ZMIZ2: variants seen among roughly 807,000 people sequenced by gnomAD.
ZMIZ2 encodes the protein zinc finger MIZ domain-containing protein 2.
In ZMIZ2, 26 loss-of-function variants were observed where a neutral mutation model predicts 93.9. The ratio of observed to expected loss-of-function variants is 0.28; its 90% CI spans 0.20 to 0.38. The LOEUF is 0.38. ZMIZ2 is among the 10% of genes least tolerant of loss of function. ZMIZ2 has a pLI of 1.00. For synonymous variants in ZMIZ2, 485 were observed against 516.4 expected (o/e 0.94, Z 0.82); for missense variants, 1,023 against 1,235.0 (o/e 0.83, Z 2.57).
At chr7:44,767,233 G>A (rs1791805492) in intron 18 of ZMIZ2, among the ~76,000 whole-genome samples, 1 of 152,300 alleles carries the variant, frequency 6.6e-6, no homozygotes, top group Non-Finnish European at 1.5e-5. Context: ...AGTGTGGAGT[G>A]GCTGCACTCC....
chr7:44,761,344 A>G lies in ZMIZ2; in HGVS notation c.1241-105A>G, dbSNP rs1054448692. 3 of 1,516,448 alleles carry G rather than the reference A, an allele frequency of 2.0e-6. No homozygotes were observed. The highest frequency in any genetic ancestry group is 1.8e-6 in the Non-Finnish European group (2 of 1,137,736). The allele number at this position is 1,516,448 out of a possible 1,614,324, so 93.9% of individuals were successfully genotyped here. A position where few individuals can be genotyped will look rare whatever the true frequency, so the allele number is the denominator to read the frequency against. The stretch of plus-strand genomic sequence containing the variant: ...CTGACAGGAGGGGCTCCCTTCACCA[A>G]GGTCCCTGCGGGGAAGGTGGCTGGG... On this transcript the variant is annotated intron_variant, in intron 9 of 18. Transcript: ENST00000309315. The surrounding 1 kb of genome is among the most constrained non-coding windows in gnomAD (Gnocchi z 5.8).
chr7:44,756,548 C>T lies in ZMIZ2; in HGVS notation c.165+9C>T. On this transcript the variant is annotated intron_variant, in intron 3 of 18. Transcript: ENST00000309315. Reference sequence around the variant, plus strand: ...ACGCGACACAGAGCCAGGTAAGCACCCACTGGTGCCCCACCCCCGAGCAGA... The same window carrying T: ...ACGCGACACAGAGCCAGGTAAGCACTCACTGGTGCCCCACCCCCGAGCAGA... The T allele has an allele frequency of 6.2e-7, 1 of 1,613,686 alleles. No homozygotes were observed. Among genetic ancestry groups the T allele is most frequent in the Non-Finnish European group, 8.5e-7 (1 of 1,179,816 alleles).
At position 44,761,347 on chromosome 7, in the gene ZMIZ2, TC is replaced by T; in HGVS notation, c.1241-99del. 2 of 1,523,572 alleles carry T rather than the reference TC, an allele frequency of 1.3e-6. No homozygotes were observed. Among genetic ancestry groups the T allele is most frequent in the Non-Finnish European group, 1.8e-6 (2 of 1,141,202 alleles). 94.4% of individuals were successfully genotyped at this position (1,523,572 alleles called of 1,614,324 possible). A position where few individuals can be genotyped will look rare whatever the true frequency, so the allele number is the denominator to read the frequency against. On this transcript the variant is annotated intron_variant, in intron 9 of 18. Coordinates refer to ENST00000309315, the MANE Select transcript of ZMIZ2 (RefSeq NM_031449.4). This position sits in a 1 kb window ranked among gnomAD's most constrained non-coding sequence, Gnocchi z 5.8. ...ACAGGAGGGGCTCCCTTCACCAAGG[TC>T]CCTGCGGGGAAGGTGGCTGGGGAGC...
Position 44,758,101 on chromosome 7 carries a change from A to G in ZMIZ2, c.806A>G (p.Tyr269Cys). The change falls in exon 6 of 19, where the codon TAC becomes TGC. Residue 269 changes from tyrosine (Y) to cysteine (C), a missense_variant. Around this residue, in one of 3 missense-constraint regions of ZMIZ2, gnomAD observed 656 missense variants for 777.1 expected, o/e 0.84. Coordinates refer to ENST00000309315, the MANE Select transcript of ZMIZ2 (RefSeq NM_031449.4). Reference sequence around the variant, plus strand: ...CCCCGACAGGGGGTCAAGAGAACCTACTCTGAGGTGAGTGTCCAGGTCACC... The same window carrying G: ...CCCCGACAGGGGGTCAAGAGAACCTGCTCTGAGGTGAGTGTCCAGGTCACC... ...PLPRQGVKRT[Y>C]SEVYPGQQYL... is the part of the protein sequence containing the mutation. 1.3e-6 allele frequency: 2 copies of G among 1,557,438 alleles called. No homozygotes were observed. The highest frequency in any genetic ancestry group is 1.4e-5 in the African/African-American group (1 of 72,880).
chr7:44,756,364 C>A (rs1010888891), intron 2 of ZMIZ2, 61 bp from the exon 3 acceptor site: 32 of 1,613,786 alleles, frequency 2.0e-5, no homozygotes, highest in Non-Finnish European at 2.6e-5. Flanking sequence ...TCTGGAAGAT[C>A]CTAGACTCTT....
At chr7:44,767,148 G>T (rs779977691) in intron 18 of ZMIZ2, among the ~76,000 whole-genome samples, 2 of 152,126 alleles carry the variant, frequency 1.3e-5, no homozygotes, top group African/African-American at 2.4e-5. Context: ...AATCCTAGGG[G>T]CATGGAATTC....
chr7:44,755,801 C>A (rs1790538374), intron 1 of ZMIZ2, among the ~76,000 whole-genome samples: 1 of 152,198 alleles, frequency 6.6e-6, no homozygotes, highest in African/African-American at 2.4e-5. Flanking sequence ...TGGCTACTGG[C>A]TCCTCTCTAA....
chr7:44,757,664 C>T, intron 5 of ZMIZ2, 103 bp downstream of exon 5: 1 of 1,464,488 alleles, frequency 6.8e-7, no homozygotes, highest in East Asian at 2.4e-5. Flanking sequence ...TGGAATATGC[C>T]AGGGCTCATG....
intron 14 of ZMIZ2, among the ~76,000 whole-genome samples, 200 bp from the exon 15 acceptor site, chr7:44,764,739 TCA>T (rs1791530204): frequency 6.6e-6 from 1 of 152,192 alleles, no homozygotes; most frequent in Non-Finnish European, 1.5e-5. Flanking sequence ...TATTTTCACC[TCA>T]CACAAGGGTC....
At chr7:44,755,069 TGTG>T (rs1790475248) in intron 1 of ZMIZ2, among the ~76,000 whole-genome samples, 1 of 152,084 alleles carries the variant, frequency 6.6e-6, no homozygotes, top group South Asian at 2.1e-4. Context: ...AGCCTGAAGG[TGTG>T]GTCACTTCCG....
In ZMIZ2 at chr7:44,764,410, T is replaced by G. The variant is rs115305077; in HGVS notation, c.1861-9T>G. ...ATGAGAAACTGACTTTCTTCCCATC[T>G]CTCTACAGTGCTTTGACCTGGAGTC... is the stretch of plus-strand genomic sequence containing the variant. On this transcript the variant is annotated splice_polypyrimidine_tract_variant and intron_variant, in intron 13 of 18. Transcript: ENST00000309315. 375 of 1,613,846 alleles carry G rather than the reference T, an allele frequency of 2.3e-4. 2 individuals carry two copies. The African/African-American group carries it at 3.9e-3, about 17-fold the overall frequency.
chr7:44,766,815 A>G lies in ZMIZ2; in HGVS notation c.2655+152A>G, dbSNP rs1791757671. ...AATGCAGCTTTTGTTCATGAATTAG[A>G]TACCTGGAGTAGCTGCGGGTGGGAT... On this transcript the variant is annotated intron_variant, in intron 18 of 18. Transcript: ENST00000309315. The surrounding 1 kb of genome is among the most constrained non-coding windows in gnomAD (Gnocchi z 4.4). 3 of 1,300,978 alleles carry G rather than the reference A, an allele frequency of 2.3e-6. No individual in the cohort carries two copies. Among genetic ancestry groups the G allele is most frequent in the Middle Eastern group, 2.8e-4 (1 of 3,632 alleles). The allele number at this position is 1,300,978 out of a possible 1,614,324, so 80.6% of individuals were successfully genotyped here. A position where few individuals can be genotyped will look rare whatever the true frequency, so the allele number is the denominator to read the frequency against.
intron 5 of ZMIZ2, 117 bp downstream of exon 5, chr7:44,757,678 C>T (rs1240341798): frequency 6.9e-6 from 10 of 1,452,732 alleles, no homozygotes; most frequent in Non-Finnish European, 9.1e-6. Context: ...GCTCATGAAG[C>T]CAGTAAAAGA....
intron 1 of ZMIZ2, among the ~76,000 whole-genome samples, chr7:44,753,302 T>A (rs1790319185): frequency 6.6e-6 from 1 of 152,236 alleles, no homozygotes; most frequent in South Asian, 2.1e-4. Flanking sequence ...TAGAGTACAG[T>A]GGCATGATCA....
At chr7:44,759,250 T>C (rs757071285) in intron 6 of ZMIZ2, 31 bp from the exon 7 acceptor site, 2 of 1,464,650 alleles carry the variant, frequency 1.4e-6, no homozygotes, top group Admixed American at 2.4e-5. Context: ...ATGCCTTTTT[T>C]CTCCCCTCGG....
chr7:44,764,975 C>T lies in ZMIZ2; in HGVS notation c.1963C>T (p.Gln655Ter). 1 of 1,614,218 alleles carries T rather than the reference C, an allele frequency of 6.2e-7. No individual in the cohort carries two copies. Among genetic ancestry groups the T allele is most frequent in the Non-Finnish European group, 8.5e-7 (1 of 1,180,022 alleles). Residue 655 changes from glutamine (Q) to a stop codon, truncating the protein, a stop_gained, in exon 15 of 19, where the codon CAG (glutamine) becomes TAG (stop). Transcript: ENST00000309315. LOFTEE classifies it high-confidence loss of function. Reference protein sequence around the residue: ...TALLEGLEVDQYMLGILIYIQ... With the variant: ...TALLEGLEVD ...TTTGCTGGAGGGCCTGGAGGTGGACCAGTACATGCTGGGCATCCTGATTTA... is the reference window on the plus strand; with the variant it reads ...TTTGCTGGAGGGCCTGGAGGTGGACTAGTACATGCTGGGCATCCTGATTTA...
intron 1 of ZMIZ2, among the ~76,000 whole-genome samples, chr7:44,753,993 A>G (rs1790374762): frequency 6.6e-6 from 1 of 152,120 alleles, no homozygotes; most frequent in African/African-American, 2.4e-5. Flanking sequence ...ATTTGTGCAA[A>G]TCAATTTCAG....
rs1790577682 is a variant in ZMIZ2 at position 44,756,248 on chromosome 7, C to T, written c.-2C>T. ...CCCGGCCTGTAGGCTGCTCCATTGC[C>T]AATGAACTCCATGAACCCCATGAAA... On this transcript the variant is annotated 5_prime_UTR_variant, in exon 2 of 19. Transcript: ENST00000309315. 1 of 1,614,046 alleles carries T rather than the reference C, an allele frequency of 6.2e-7. No homozygotes were observed. Among genetic ancestry groups the T allele is most frequent in the Non-Finnish European group, 8.5e-7 (1 of 1,180,002 alleles).
rs1583641978 is a variant in ZMIZ2, at chr7:44,761,500, T to C, written c.1292T>C (p.Val431Ala). The change falls in exon 10 of 19, where the codon GTG (valine) becomes GCG (alanine). Residue 431 changes from valine to alanine, a missense_variant. Val to Ala is a moderately conservative substitution (Grantham distance 64). This residue lies in a region of ZMIZ2 where 656 missense variants were observed against 777.1 expected (regional missense o/e 0.84). Transcript: ENST00000309315. This position sits in a 1 kb window ranked among gnomAD's most constrained non-coding sequence, Gnocchi z 5.8. ...LRLTFPVRDG[V>A]VLEPFRLQHN... is the part of the protein sequence containing the mutation. The stretch of plus-strand genomic sequence containing the variant: ...CTGACCTTCCCTGTGCGCGATGGGG[T>C]GGTCCTGGAGCCCTTCCGCCTGCAG... 6.2e-7 allele frequency: 1 copy of C among 1,613,882 alleles called. No individual in the cohort carries two copies. The highest frequency in any genetic ancestry group is 8.5e-7 in the Non-Finnish European group (1 of 1,180,030).
Sources: gnomAD v4.1 joint callset for allele counts (sites outside exome capture counted in the v4.1 genomes callset) on GRCh38, gnomAD v4.1.1 for gene constraint, gnomAD v4.1.1 regional missense constraint, Gnocchi (gnomAD v3.1) non-coding constraint, MANE v1.5 for transcripts, NCBI Gene and HGNC (gene_info 2026-07-23, HGNC 2026-07-21) for gene names.